The following IQANK1 variants were observed in gnomAD, a reference collection of about 807,000 sequenced individuals.
The protein encoded by IQANK1 is IQ motif and ankyrin repeat containing 1.
In IQANK1, 30 loss-of-function variants were observed where a neutral mutation model predicts 22.6. That is an observed-to-expected ratio of 1.33 (90% CI 0.99 to 1.80). IQANK1 has a LOEUF of 1.80. Among genes scored for constraint, IQANK1 ranks in the 40% most tolerant of loss-of-function variants. The pLI is 0.00. For synonymous variants in IQANK1, 122 were observed against 99.6 expected (o/e 1.23, Z -1.34); for missense variants, 275 against 235.2 (o/e 1.17, Z -1.11).
chr8:143,788,028 T>C (rs1174800586), intron 7 of IQANK1, among the ~76,000 whole-genome samples: 4 of 152,154 alleles, frequency 2.6e-5, no homozygotes, highest in Non-Finnish European at 5.9e-5. Context: ...GCAGGCCTAA[T>C]TCCGAGTATG....
intron 2 of IQANK1, among the ~76,000 whole-genome samples, chr8:143,738,376 G>A (rs1461358352): frequency 1.3e-5 from 2 of 152,184 alleles, no homozygotes; most frequent in East Asian, 3.9e-4. Context: ...TTGGCCCCCT[G>A]TTCCAGGTCC....
chr8:143,778,047 T>C (rs1389826270), intron 7 of IQANK1, among the ~76,000 whole-genome samples: 2 of 152,146 alleles, frequency 1.3e-5, no homozygotes, highest in African/African-American at 2.4e-5. Flanking sequence ...ACAAAAAAAT[T>C]AGCCGGGCAT....
chr8:143,751,623 AAAG>A (rs1554628024), intron 3 of IQANK1, among the ~76,000 whole-genome samples: 1 of 114,170 alleles, frequency 8.8e-6, no homozygotes, highest in Non-Finnish European at 1.8e-5. Context: ...AAAAAAAAAA[AAAG>A]TGTGTGTGTG....
chr8:143,749,540 GATATAT>G (rs1391472017), intron 3 of IQANK1, among the ~76,000 whole-genome samples: 22 of 129,532 alleles, frequency 1.7e-4, no homozygotes, highest in African/African-American at 6.5e-4. Context: ...AAAAATATAT[GATATAT>G]ATGATATATA....
chr8:143,762,962 C>G (rs1032102290), intron 3 of IQANK1, among the ~76,000 whole-genome samples: 1 of 150,014 alleles, frequency 6.7e-6, no homozygotes, highest in Admixed American at 6.7e-5. Context: ...TTTCTCTTTT[C>G]TTTTCTTTCC....
At chr8:143,789,164 G>A in intron 8 of IQANK1, 25 bp from the exon 9 acceptor site, 2 of 400,408 alleles carry the variant, frequency 5.0e-6, no homozygotes, top group African/African-American at 2.1e-5. Flanking sequence ...GGAAGCCTCT[G>A]TCCCAGCTCA....
At chr8:143,755,965 TGATAAAGCATGAA>T (rs1467529140) in intron 3 of IQANK1, among the ~76,000 whole-genome samples, 5 of 152,210 alleles carry the variant, frequency 3.3e-5, no homozygotes, top group Admixed American at 6.5e-5. Context: ...TGCTGCTCAT[TGATAAAGCATGAA>T]GGTGGCTGGA....
At position 143,758,918 on chromosome 8, in the gene IQANK1, C is replaced by T. The variant is rs956912199; in HGVS notation, c.176-12570C>T. 6.0e-5 allele frequency: 10 copies of T among 166,022 alleles called. No individual in the cohort carries two copies. Among genetic ancestry groups the T allele is most frequent in the Middle Eastern group, 2.7e-3 (1 of 374 alleles). 10.3% of individuals were successfully genotyped at this position (166,022 alleles called of 1,614,324 possible). A position where few individuals can be genotyped will look rare whatever the true frequency, so the allele number is the denominator to read the frequency against. On this transcript the variant is annotated intron_variant, in intron 3 of 13. Coordinates refer to ENST00000527139, the MANE Select transcript of IQANK1 (RefSeq NM_001381874.1). This position sits in a 1 kb window ranked among gnomAD's most constrained non-coding sequence, Gnocchi z 4.2. ...TTCCCATGGCCTGGCCTGAGTGCTG[C>T]AGCTGGGCCCCAGGAGATGAGCTCC...
At chr8:143,759,954 A>G (rs1342051623) in intron 3 of IQANK1, 1 of 152,242 alleles carries the variant, frequency 6.6e-6, no homozygotes, top group African/African-American at 2.4e-5. Context: ...CAAAGTGACC[A>G]CAGGCAGGCT....
intron 2 of IQANK1, among the ~76,000 whole-genome samples, chr8:143,737,433 T>C (rs1818772591): frequency 1.3e-5 from 2 of 152,342 alleles, no homozygotes; most frequent in Admixed American, 6.5e-5. Flanking sequence ...CCACCAAGCA[T>C]TGGGCCAGCC....
intron 7 of IQANK1, among the ~76,000 whole-genome samples, chr8:143,775,767 CAAAA>C (rs1216031148): frequency 7.7e-6 from 1 of 129,242 alleles, no homozygotes; most frequent in Non-Finnish European, 1.6e-5. Context: ...GCCTCAAAAA[CAAAA>C]AAACTATAGC....
chr8:143,763,946 G>A lies in IQANK1; in HGVS notation c.176-7542G>A, dbSNP rs558026046. Among the ~76,000 whole-genome samples the A allele has an allele frequency of 4.6e-5, 7 of 152,146 alleles. 1 individual carries two copies. In the South Asian group the frequency reaches 1.5e-3, roughly 32 times the overall value. On this transcript the variant is annotated intron_variant, in intron 3 of 13. Transcript: ENST00000527139. ...TTAAGCTGGTAATTTTTTGTTATAC[G>A]AGATATGATAATTCATTTCAACGGA...
chr8:143,781,355 GTT>G (rs1189418154), intron 7 of IQANK1, among the ~76,000 whole-genome samples: 21 of 152,238 alleles, frequency 1.4e-4, no homozygotes, highest in African/African-American at 5.1e-4. Context: ...TTTTGCTTTT[GTT>G]TTGATTGCTT....
chr8:143,757,371 C>G (rs1292130098), intron 3 of IQANK1, among the ~76,000 whole-genome samples: 3 of 150,508 alleles, frequency 2.0e-5, no homozygotes, highest in Non-Finnish European at 4.4e-5. Flanking sequence ...GAGTCTCACT[C>G]TGTCACCCAG....
chr8:143,740,171 A>AC (rs1480480855), intron 3 of IQANK1, among the ~76,000 whole-genome samples: 1 of 151,262 alleles, frequency 6.6e-6, no homozygotes, highest in African/African-American at 2.4e-5. Context: ...GCTCTCGCCC[A>AC]CCTCCTGGTG....
intron 3 of IQANK1, among the ~76,000 whole-genome samples, chr8:143,751,658 G>GTATATA (rs1325258601): frequency 7.7e-5 from 3 of 38,818 alleles, no homozygotes; most frequent in African/African-American, 1.5e-4. Context: ...GTGTGTGTGT[G>GTATATA]TGTGTGTATA....
intron 3 of IQANK1, among the ~76,000 whole-genome samples, chr8:143,747,969 T>TTTCC (rs1819066352): frequency 7.2e-6 from 1 of 138,714 alleles, no homozygotes; most frequent in African/African-American, 2.9e-5. Context: ...TTTCCTTTCC[T>TTTCC]TTCCCTTTCC....
intron 2 of IQANK1, chr8:143,739,596 G>A: frequency 2.5e-6 from 1 of 392,670 alleles, no homozygotes; most frequent in Non-Finnish European, 4.5e-6. Context: ...GCCCATCCTT[G>A]GGCCCACAAG....
chr8:143,782,161 T>TG (rs1819807350), intron 7 of IQANK1, among the ~76,000 whole-genome samples: 2 of 152,222 alleles, frequency 1.3e-5, no homozygotes, highest in Admixed American at 1.3e-4. Context: ...GTACATTTAT[T>TG]TTGTATCCTG....
Sources: gnomAD v4.1 joint callset for allele counts (sites outside exome capture counted in the v4.1 genomes callset) on GRCh38, gnomAD v4.1.1 for gene constraint, Gnocchi (gnomAD v3.1) non-coding constraint, MANE v1.5 for transcripts, NCBI Gene and HGNC (gene_info 2026-07-23, HGNC 2026-07-21) for gene names.